AK9: variants seen among roughly 807,000 people sequenced by gnomAD.
AK9 encodes adenylate kinase 9.
In AK9, 191 loss-of-function variants were observed where a neutral mutation model predicts 239.6. The observed-to-expected ratio is 0.80, with a 90% CI of 0.71 to 0.90. The LOEUF (loss-of-function observed/expected upper bound fraction) is 0.90. Among genes scored for constraint, AK9 ranks in the 40% least tolerant of loss-of-function variants. The probability of loss-of-function intolerance (pLI) is 0.00; values close to 1 mark genes in which losing one functional copy is unlikely to be tolerated. For synonymous variants in AK9, 689 were observed against 721.0 expected, an observed-to-expected ratio of 0.96 and a Z score of 0.71; for missense variants, 1,995 against 2,214.7, an observed-to-expected ratio of 0.90 and a Z score of 1.99.
At chr6:109,607,593 G>C (rs1346946464) in intron 17 of AK9, among the ~76,000 whole-genome samples, 4 of 152,152 alleles carry the variant, frequency 2.6e-5, no homozygotes, top group Non-Finnish European at 4.4e-5. Flanking sequence ...ATGGATTCTG[G>C]TATCTGTGAG....
intron 31 of AK9, among the ~76,000 whole-genome samples, chr6:109,515,177 A>T (rs1779152181): frequency 6.6e-6 from 1 of 152,184 alleles, no homozygotes; most frequent in African/African-American, 2.4e-5. Flanking sequence ...GCAGCCAGAG[A>T]TGACTAATAC....
intron 17 of AK9, among the ~76,000 whole-genome samples, chr6:109,588,676 T>G (rs1183816176): frequency 2.0e-5 from 3 of 152,122 alleles, no homozygotes; most frequent in Non-Finnish European, 4.4e-5. Context: ...TCCAGAAGAG[T>G]TTTTCCTAGG....
chr6:109,515,872 A>T lies in AK9; in HGVS notation c.4050T>A (p.Tyr1350Ter). 6.4e-7 allele frequency: 1 copy of T among 1,551,440 alleles called. No homozygotes were observed. Among genetic ancestry groups the T allele is most frequent in the Non-Finnish European group, 8.7e-7 (1 of 1,146,616 alleles). ...CTGAAATTACCTTTACAGGGTCCCA[A>T]TAGCCGAATGAGCTTATATACTTGT... Reference protein sequence around the residue: ...FTYKYISSFGYWDPVKLSEGE... With the variant: ...FTYKYISSFG Residue 1350 changes from tyrosine to a stop codon, truncating the protein, a stop_gained, in exon 31 of 41, where the codon TAT becomes TAA. Coordinates refer to ENST00000424296, the MANE Select transcript of AK9 (RefSeq NM_001145128.3). LOFTEE classifies it high-confidence loss of function.
intron 10 of AK9, among the ~76,000 whole-genome samples, chr6:109,638,101 G>C (rs1796946498): frequency 6.6e-6 from 1 of 152,150 alleles, no homozygotes; most frequent in Non-Finnish European, 1.5e-5. Flanking sequence ...TGAAAAAGGA[G>C]GCAGGTTCAC....
In AK9 at chr6:109,633,177, TAC is replaced by T; in HGVS notation, c.1073+5_1073+6del. 2 of 1,581,538 alleles carry T rather than the reference TAC, an allele frequency of 1.3e-6. No individual in the cohort carries two copies. Among genetic ancestry groups the T allele is most frequent in the Non-Finnish European group, 1.7e-6 (2 of 1,169,936 alleles). ...ATTTAAAATTAAGTTCTGAAAATCT[TAC>T]TTACCTCACAGAATAATCTGGTAAT... is the stretch of plus-strand genomic sequence containing the variant. On this transcript the variant is annotated splice_donor_5th_base_variant and intron_variant, in intron 11 of 40. Coordinates refer to ENST00000424296, the MANE Select transcript of AK9 (RefSeq NM_001145128.3).
chr6:109,622,567 T>C (rs1795008490), intron 12 of AK9, among the ~76,000 whole-genome samples: 1 of 145,802 alleles, frequency 6.9e-6, no homozygotes, highest in South Asian at 2.1e-4. Flanking sequence ...TATTGTATAT[T>C]AATATAATAT....
intron 26 of AK9, among the ~76,000 whole-genome samples, chr6:109,545,521 GCT>G (rs1349870201): frequency 1.3e-5 from 2 of 152,192 alleles, no homozygotes; most frequent in Non-Finnish European, 2.9e-5. Context: ...CCCTGCACAA[GCT>G]CTCTCTTTGC....
At chr6:109,525,783 C>T (rs752808534) in intron 29 of AK9, among the ~76,000 whole-genome samples, 59 of 152,102 alleles carry the variant, frequency 3.9e-4, no homozygotes, top group Non-Finnish European at 6.8e-4. Flanking sequence ...CTCAGCAATC[C>T]CATTAATGGG....
Position 109,546,011 on chromosome 6 carries a change from T to C in AK9, c.3081A>G (p.Gln1027=). Residue 1027 remains glutamine (Q), a synonymous_variant, in exon 26 of 41, where the codon CAA becomes CAG. Transcript: ENST00000424296. ...TTTCAGTTTTGAGTAGTAGTTTTTC[T>C]TGAAGAACTTCTTCAAACTGAATGT... is the stretch of plus-strand genomic sequence containing the variant. ...IFHIQFEEVL[Q]EKLLLKTEKK... The C allele has an allele frequency of 6.2e-7, 1 of 1,614,140 alleles. No individual in the cohort carries two copies. The highest frequency in any genetic ancestry group is 8.5e-7 in the Non-Finnish European group (1 of 1,179,994).
In AK9 at chr6:109,687,970, GCT is replaced by G. The variant is rs199981455; in HGVS notation, c.-12+3175_-12+3176del. On this transcript the variant is annotated intron_variant, in intron 1 of 40. Coordinates refer to ENST00000424296, the MANE Select transcript of AK9 (RefSeq NM_001145128.3). ...ATCCAGTAGACATGAGCCAATCTTT[GCT>G]TCTGGTCACCTCAATGCTTGCATAA... Among the ~76,000 whole-genome samples, 1,242 of 152,316 alleles carry G rather than the reference GCT, an allele frequency of 8.2e-3. 25 individuals carry two copies. The highest frequency in any genetic ancestry group is 0.027 in the African/African-American group (1,103 of 41,566).
intron 33 of AK9, 127 bp downstream of exon 33, chr6:109,509,052 T>A: frequency 2.0e-6 from 2 of 1,024,586 alleles, no homozygotes; most frequent in East Asian, 2.6e-5. Flanking sequence ...GTGCCCAGAG[T>A]TTGAGAGAAG....
intron 27 of AK9, among the ~76,000 whole-genome samples, chr6:109,539,531 C>G (rs541760426): frequency 6.6e-6 from 1 of 152,294 alleles, no homozygotes; most frequent in East Asian, 1.9e-4. Context: ...TTTTCAGCTT[C>G]TTTGCTATGG....
rs1233363515 is a variant in AK9 at position 109,533,344 on chromosome 6, G to A, written c.3477C>T (p.Arg1159=). The A allele has an allele frequency of 6.2e-7, 1 of 1,611,516 alleles. No individual in the cohort carries two copies. The highest frequency in any genetic ancestry group is 8.5e-7 in the Non-Finnish European group (1 of 1,178,976). The change falls in exon 28 of 41, where the codon CGC becomes CGT. Residue 1159 remains arginine (R), a synonymous_variant. Transcript: ENST00000424296. ...IQVDDQDIFD[R]LLPAQIEKWK... is the part of the protein sequence containing the mutation. ...ACTTTTCAATTTGGGCAGGAAGGAG[G>A]CGATCAAAAATATCTTGATCATCAA...
chr6:109,496,912 AG>A (rs1002428997), intron 38 of AK9, among the ~76,000 whole-genome samples: 1 of 152,108 alleles, frequency 6.6e-6, no homozygotes, highest in Non-Finnish European at 1.5e-5. Flanking sequence ...GATCACTATG[AG>A]GACACAAACT....
intron 8 of AK9, among the ~76,000 whole-genome samples, chr6:109,652,335 C>T (rs1486924742): frequency 2.1e-5 from 3 of 145,824 alleles, no homozygotes; most frequent in Non-Finnish European, 3.0e-5. Context: ...GCAGAAAAGG[C>T]CTTCAAAAAA....
At chr6:109,613,110 A>G (rs990087344) in intron 15 of AK9, among the ~76,000 whole-genome samples, 4 of 150,908 alleles carry the variant, frequency 2.7e-5, no homozygotes, top group Admixed American at 1.3e-4. Context: ...CACTTAATAT[A>G]TATATAAATG....
At chr6:109,657,466 A>G (rs1287691760) in intron 7 of AK9, among the ~76,000 whole-genome samples, 1 of 152,118 alleles carries the variant, frequency 6.6e-6, no homozygotes, top group African/African-American at 2.4e-5. Flanking sequence ...TCAAGTGGTC[A>G]TGAAAGGGTT....
Position 109,564,100 on chromosome 6 carries a change from T to C in AK9, c.2615A>G (p.Lys872Arg). Reference sequence around the variant, plus strand: ...CTTACTTTCCATAGTCTCAACTACTTTTTGAAGTAATTCCTGTGGAGTTCT... The same window carrying C: ...CTTACTTTCCATAGTCTCAACTACTCTTTGAAGTAATTCCTGTGGAGTTCT... ...ADRTPQELLQ[K>R]VVETMEKPFQ... Residue 872 changes from lysine to arginine, a missense_variant, in exon 23 of 41, where the codon AAA (lysine) becomes AGA (arginine). Around this residue, in one of 5 missense-constraint regions of AK9, gnomAD observed 1,290 missense variants for 1,392.7 expected, o/e 0.93. Coordinates refer to ENST00000424296, the MANE Select transcript of AK9 (RefSeq NM_001145128.3). The C allele has an allele frequency of 1.3e-6, 2 of 1,551,134 alleles. No individual in the cohort carries two copies. Among genetic ancestry groups the C allele is most frequent in the Non-Finnish European group, 1.7e-6 (2 of 1,146,784 alleles).
At chr6:109,523,477 T>C (rs1198951126) in intron 29 of AK9, among the ~76,000 whole-genome samples, 1 of 152,196 alleles carries the variant, frequency 6.6e-6, no homozygotes, top group East Asian at 1.9e-4. Flanking sequence ...CACTCCTCTC[T>C]CTCTATTATT....
Sources: gnomAD v4.1 joint callset for allele counts (sites outside exome capture counted in the v4.1 genomes callset) on GRCh38, gnomAD v4.1.1 for gene constraint, gnomAD v4.1.1 regional missense constraint, MANE v1.5 for transcripts, NCBI Gene and HGNC (gene_info 2026-07-23, HGNC 2026-07-21) for gene names.